GULP1: variants seen among roughly 807,000 people sequenced by gnomAD.
GULP1 encodes the protein GULP PTB domain containing engulfment adaptor 1, also known as PTB domain-containing engulfment adapter protein 1.
A neutral mutation model predicts 40.9 loss-of-function variants in GULP1; 19 were observed. The ratio of observed to expected loss-of-function variants is 0.46; its 90% CI spans 0.32 to 0.68. GULP1 has a LOEUF of 0.68. Ranked by LOEUF, GULP1 falls within the 30% of genes least tolerant of loss-of-function variation. GULP1 has a pLI of 0.03. For synonymous variants in GULP1, 119 were observed against 117.6 expected, an observed-to-expected ratio of 1.01 and a Z score of -0.08; for missense variants, 312 against 362.2, an observed-to-expected ratio of 0.86 and a Z score of 1.12.
intron 11 of GULP1, chr2:188,588,721 A>G (rs1409642522): frequency 6.6e-6 from 1 of 152,126 alleles, no homozygotes; most frequent in African/African-American, 2.4e-5. Context: ...TGAAGACACT[A>G]AAGTAAGGAG....
chr2:188,481,413 G>T (rs2061437832), intron 3 of GULP1, among the ~76,000 whole-genome samples: 1 of 151,896 alleles, frequency 6.6e-6, no homozygotes, highest in South Asian at 2.1e-4. Flanking sequence ...TTTTATAAAT[G>T]TACTGCTCAT....
At chr2:188,435,638 A>C (rs1309562581) in intron 2 of GULP1, among the ~76,000 whole-genome samples, 1 of 152,042 alleles carries the variant, frequency 6.6e-6, no homozygotes, top group Non-Finnish European at 1.5e-5. Context: ...GGGTATCACC[A>C]GGCTGAAATA....
Position 188,419,017 on chromosome 2 carries a change from C to A in GULP1, c.-45+35128C>A, listed in dbSNP as rs563975551. Among the ~76,000 whole-genome samples, 9 of 152,244 alleles carry A rather than the reference C, an allele frequency of 5.9e-5. No individual in the cohort carries two copies. In the South Asian group the frequency reaches 1.9e-3, roughly 32 times the overall value. ...TGGCTTATTTCACTTAGTACAGTGT[C>A]CTCAAGGTTCATCTATGCTTTGCAG... On this transcript the variant is annotated intron_variant, in intron 2 of 11. Coordinates refer to ENST00000409830, the MANE Select transcript of GULP1 (RefSeq NM_016315.4).
At chr2:188,428,801 C>G (rs1163736048) in intron 2 of GULP1, among the ~76,000 whole-genome samples, 2 of 151,980 alleles carry the variant, frequency 1.3e-5, no homozygotes, top group African/African-American at 4.8e-5. Flanking sequence ...TGACTACATT[C>G]AGAGAATGAC....
intron 4 of GULP1, among the ~76,000 whole-genome samples, chr2:188,489,518 T>C (rs183758626): frequency 6.6e-6 from 1 of 152,188 alleles, no homozygotes; most frequent in Admixed American, 6.5e-5. Context: ...TGGTCTTTAA[T>C]AATGCTAATA....
At chr2:188,372,068 C>T (rs553900903) in intron 1 of GULP1, among the ~76,000 whole-genome samples, 4 of 152,102 alleles carry the variant, frequency 2.6e-5, no homozygotes, top group Non-Finnish European at 5.9e-5. Flanking sequence ...CACTTGTTGT[C>T]GTTGCTGTGA....
intron 1 of GULP1, among the ~76,000 whole-genome samples, chr2:188,363,305 T>C (rs2046333131): frequency 6.6e-6 from 1 of 151,678 alleles, no homozygotes; most frequent in Admixed American, 6.6e-5. Flanking sequence ...TGTGGATCTG[T>C]AGATGTTATG....
At chr2:188,413,176 A>T (rs1258095861) in intron 2 of GULP1, among the ~76,000 whole-genome samples, 4 of 152,202 alleles carry the variant, frequency 2.6e-5, no homozygotes, top group Non-Finnish European at 5.9e-5. Flanking sequence ...GATGCATAAG[A>T]GTGCAGTCTA....
At chr2:188,341,432 CAAT>C (rs1435364228) in intron 1 of GULP1, among the ~76,000 whole-genome samples, 2 of 152,022 alleles carry the variant, frequency 1.3e-5, no homozygotes, top group African/African-American at 2.4e-5. Context: ...GCTCCACCTC[CAAT>C]ATTGGGGATT....
chr2:188,577,973 T>C (rs1700499043), intron 9 of GULP1, among the ~76,000 whole-genome samples: 1 of 151,988 alleles, frequency 6.6e-6, no homozygotes, highest in Non-Finnish European at 1.5e-5. Flanking sequence ...AAAAAATTGA[T>C]TTAATATATA....
chr2:188,588,935 ATTG>A (rs1702964977), intron 11 of GULP1: 1 of 152,044 alleles, frequency 6.6e-6, no homozygotes, highest in South Asian at 2.1e-4. Context: ...TGAATTCATT[ATTG>A]TTCTAGATGT....
chr2:188,490,717 G>T (rs1254165471), intron 4 of GULP1, among the ~76,000 whole-genome samples: 1 of 152,010 alleles, frequency 6.6e-6, no homozygotes, highest in Non-Finnish European at 1.5e-5. Context: ...AGAGCATCTA[G>T]TGATACATAG....
At chr2:188,438,996 A>C (rs968291181) in intron 2 of GULP1, among the ~76,000 whole-genome samples, 1 of 152,086 alleles carries the variant, frequency 6.6e-6, no homozygotes, top group African/African-American at 2.4e-5. Flanking sequence ...AGAACTCTCT[A>C]TGAATTGTTT....
chr2:188,352,618 T>TCTCTCACACACACACACACACACACA (rs578003996), intron 1 of GULP1, among the ~76,000 whole-genome samples: 1 of 134,498 alleles, frequency 7.4e-6, no homozygotes, highest in East Asian at 2.3e-4. Context: ...TCTCTCTCTC[T>TCTCTCACACACACACACACACACACA]CACACACACA....
chr2:188,467,180 A>G (rs1231769248), intron 2 of GULP1, among the ~76,000 whole-genome samples: 2 of 152,064 alleles, frequency 1.3e-5, no homozygotes, highest in African/African-American at 4.8e-5. Flanking sequence ...TGGAGTTAGG[A>G]GGATAATAAT....
chr2:188,450,955 T>TA (rs1265726512), intron 2 of GULP1, among the ~76,000 whole-genome samples: 1 of 152,144 alleles, frequency 6.6e-6, no homozygotes, highest in Non-Finnish European at 1.5e-5. Context: ...GCCAAGCAAG[T>TA]AGGAAGTTTT....
intron 2 of GULP1, among the ~76,000 whole-genome samples, chr2:188,464,887 G>A (rs1255608744): frequency 6.6e-6 from 1 of 152,104 alleles, no homozygotes; most frequent in East Asian, 1.9e-4. Flanking sequence ...TCAAGCCTGA[G>A]ACTCAACCGT....
At chr2:188,469,392 A>G (rs1236732393) in intron 2 of GULP1, among the ~76,000 whole-genome samples, 1 of 152,210 alleles carries the variant, frequency 6.6e-6, no homozygotes, top group African/African-American at 2.4e-5. Flanking sequence ...CAAGTGCATT[A>G]GTCCATTCTC....
At chr2:188,593,622 A>G (rs2153479325) in intron 11 of GULP1, 1 of 165,870 alleles carries the variant, frequency 6.0e-6, no homozygotes, top group East Asian at 1.6e-4. Context: ...AAGCTAACAG[A>G]TTTCATTTAC....
Sources: gnomAD v4.1 joint callset for allele counts (sites outside exome capture counted in the v4.1 genomes callset) on GRCh38, gnomAD v4.1.1 for gene constraint, MANE v1.5 for transcripts, NCBI Gene and HGNC (gene_info 2026-07-23, HGNC 2026-07-21) for gene names.